The following GRM7 variants were observed in gnomAD, a reference collection of about 807,000 sequenced individuals.
The protein encoded by GRM7 is glutamate metabotropic receptor 7, also known as metabotropic glutamate receptor 7.
GRM7 carries 35 observed loss-of-function variants against 84.5 expected under a neutral mutation model. That is an observed-to-expected ratio of 0.41 (90% CI 0.32 to 0.55). The LOEUF (loss-of-function observed/expected upper bound fraction) is 0.55, where lower values mean the gene tolerates loss of function less well. Among genes scored for constraint, GRM7 ranks in the 20% least tolerant of loss-of-function variants. GRM7 has a pLI of 0.19. For missense variants in GRM7, 1,003 were observed against 1,194.6 expected (o/e 0.84, Z 2.36); for synonymous variants, 487 against 455.1 (o/e 1.07, Z -0.89).
chr3:7,299,337 T>C (rs41412146), intron 3 of GRM7, among the ~76,000 whole-genome samples: 56,262 of 152,060 alleles, frequency 0.37, 11,210 homozygotes, highest in Middle Eastern at 0.5. Flanking sequence ...TTCCTTGTAT[T>C]GTTGGCCAAG....
At chr3:7,156,658 GT>G (rs1184206462) in intron 2 of GRM7, among the ~76,000 whole-genome samples, 1 of 152,146 alleles carries the variant, frequency 6.6e-6, no homozygotes, top group Non-Finnish European at 1.5e-5. Context: ...CTTGAAGTCA[GT>G]CTCCTAAGTG....
chr3:7,310,847 C>T (rs778596859), intron 4 of GRM7, among the ~76,000 whole-genome samples: 6 of 147,014 alleles, frequency 4.1e-5, no homozygotes, highest in South Asian at 2.1e-4. Context: ...ATTTAGCCTA[C>T]ATCATTCCAC....
intron 2 of GRM7, among the ~76,000 whole-genome samples, chr3:7,254,138 T>C (rs1698113143): frequency 6.6e-6 from 1 of 152,194 alleles, no homozygotes; most frequent in Non-Finnish European, 1.5e-5. Context: ...AGCAAGGTCA[T>C]GTCAGAAGCA....
At chr3:7,614,247 A>G (rs1294715966) in intron 8 of GRM7, among the ~76,000 whole-genome samples, 1 of 152,180 alleles carries the variant, frequency 6.6e-6, no homozygotes, top group African/African-American at 2.4e-5. Flanking sequence ...CTTTGGTGAC[A>G]GAGTGAGACT....
At chr3:7,694,461 C>G (rs1289442486) in intron 9 of GRM7, 1 of 788,252 alleles carries the variant, frequency 1.3e-6, no homozygotes, top group Non-Finnish European at 1.5e-6. Flanking sequence ...GAATGTCAAG[C>G]AATCCATCTG....
At chr3:7,677,450 G>A (rs1383476495) in intron 8 of GRM7, among the ~76,000 whole-genome samples, 1 of 152,118 alleles carries the variant, frequency 6.6e-6, no homozygotes, top group East Asian at 1.9e-4. Context: ...TTTGTCCAAG[G>A]TCACAAAACT....
At chr3:7,347,565 C>T (rs560739623) in intron 4 of GRM7, among the ~76,000 whole-genome samples, 8 of 152,244 alleles carry the variant, frequency 5.3e-5, no homozygotes, top group South Asian at 4.1e-4. Flanking sequence ...AACTCACTGA[C>T]GACCACAGTA....
At chr3:7,401,487 T>G in intron 4 of GRM7, among the ~76,000 whole-genome samples, 1 of 152,158 alleles carries the variant, frequency 6.6e-6, no homozygotes, top group South Asian at 2.1e-4. Flanking sequence ...GAAGTACTCC[T>G]ACTAATAGCA....
intron 1 of GRM7, among the ~76,000 whole-genome samples, chr3:7,112,424 C>A (rs549441199): frequency 6.6e-6 from 1 of 152,038 alleles, no homozygotes; most frequent in Non-Finnish European, 1.5e-5. Flanking sequence ...TGGGGTTTCA[C>A]CATGTTAGCC....
intron 4 of GRM7, among the ~76,000 whole-genome samples, chr3:7,385,044 G>C (rs766457037): frequency 1.3e-5 from 2 of 152,066 alleles, no homozygotes; most frequent in Non-Finnish European, 2.9e-5. Context: ...ATAATATCCA[G>C]TGTTCACATT....
At chr3:6,904,911 C>T (rs187972500) in intron 1 of GRM7, among the ~76,000 whole-genome samples, 73 of 152,074 alleles carry the variant, frequency 4.8e-4, no homozygotes, top group African/African-American at 1.4e-3. Flanking sequence ...TCTGTAGAGA[C>T]TGGGTCTTGC....
chr3:7,093,772 C>T (rs1171906555), intron 1 of GRM7, among the ~76,000 whole-genome samples: 2 of 136,306 alleles, frequency 1.5e-5, no homozygotes, highest in African/African-American at 5.4e-5. Flanking sequence ...GCAGAAAGTT[C>T]TGTTAAACTT....
chr3:6,871,576 G>A (rs1484297077), intron 1 of GRM7, among the ~76,000 whole-genome samples: 1 of 151,174 alleles, frequency 6.6e-6, no homozygotes. Flanking sequence ...TCTCCGTTTA[G>A]GTATTTGAAA....
intron 7 of GRM7, among the ~76,000 whole-genome samples, chr3:7,503,187 C>A (rs2124967376): frequency 6.6e-6 from 1 of 152,202 alleles, no homozygotes. Context: ...CTGGCAAAAT[C>A]ACATGTTCTA....
Position 6,988,378 on chromosome 3 carries a change from C to T in GRM7, c.519+126471C>T, listed in dbSNP as rs77303255. Among the ~76,000 whole-genome samples the T allele has an allele frequency of 1.1e-4, 17 of 152,006 alleles. No homozygotes were observed. In the East Asian group the frequency reaches 3.1e-3, roughly 28 times the overall value. On this transcript the variant is annotated intron_variant, in intron 1 of 9. Coordinates refer to ENST00000357716, the MANE Select transcript of GRM7 (RefSeq NM_000844.4). ...TTCACAGCTCATCTGTTGGGTGGCT[C>T]TCAGGAGTTCCAGCAGATACCAGAT...
chr3:7,485,552 T>A (rs1330159738), intron 7 of GRM7, among the ~76,000 whole-genome samples: 2 of 152,182 alleles, frequency 1.3e-5, no homozygotes, highest in African/African-American at 4.8e-5. Context: ...TTGAAATAAG[T>A]TGGAAAAATT....
intron 2 of GRM7, among the ~76,000 whole-genome samples, chr3:7,291,589 A>G (rs990172167): frequency 1.3e-5 from 2 of 150,134 alleles, no homozygotes; most frequent in Non-Finnish European, 3.0e-5. Context: ...CCAAGGGAGT[A>G]AAACTTTTCC....
chr3:7,607,949 AT>A, intron 8 of GRM7: 1 of 203,886 alleles, frequency 4.9e-6, no homozygotes, highest in South Asian at 5.3e-5. Flanking sequence ...AGTTCTTATT[AT>A]TTAGCTTCCA....
At chr3:7,160,026 G>A (rs368415727) in intron 2 of GRM7, among the ~76,000 whole-genome samples, 1 of 152,098 alleles carries the variant, frequency 6.6e-6, no homozygotes, top group African/African-American at 2.4e-5. Flanking sequence ...GCCCAGCTTC[G>A]AGGAAAAGTT....
Sources: allele counts gnomAD v4.1 joint callset (sites outside exome capture counted in the v4.1 genomes callset), GRCh38; gene constraint gnomAD v4.1.1; transcripts MANE v1.5; gene names NCBI Gene and HGNC (gene_info 2026-07-23, HGNC 2026-07-21).